Variants in CLRN2 observed in about 807,000 individuals in gnomAD.
The protein encoded by CLRN2 is clarin 2.
A neutral mutation model predicts 20.1 loss-of-function variants in CLRN2; 17 were observed. That is an observed-to-expected ratio of 0.85 (90% CI 0.58 to 1.27). The LOEUF is 1.27. CLRN2 is among the 50% of genes most tolerant of loss of function. The probability of loss-of-function intolerance (pLI) is 0.00; values close to 1 mark genes in which losing one functional copy is unlikely to be tolerated. For missense variants in CLRN2, 288 were observed against 299.5 expected (o/e 0.96, Z 0.28); for synonymous variants, 140 against 126.9 (o/e 1.10, Z -0.70).
rs371123075 is a variant in CLRN2 at position 17,526,916 on chromosome 4, T to G, written c.533T>G (p.Phe178Cys). 6.2e-7 allele frequency: 1 copy of G among 1,613,986 alleles called. No individual in the cohort carries two copies. The highest frequency in any genetic ancestry group is 8.5e-7 in the Non-Finnish European group (1 of 1,179,888). The change falls in exon 3 of 3, where the codon TTT becomes TGT. Residue 178 changes from phenylalanine to cysteine, a missense_variant. Transcript: ENST00000511148. ...IANFQEKLFQFVVVEEQYEES... is the reference protein window; with the variant it reads ...IANFQEKLFQCVVVEEQYEES... ...AACTTTCAGGAGAAGCTCTTCCAGT[T>G]TGTGGTGGTGGAAGAACAGTATGAA...
intron 1 of CLRN2, among the ~76,000 whole-genome samples, chr4:17,518,147 G>A (rs1421564167): frequency 6.6e-6 from 1 of 151,898 alleles, no homozygotes; most frequent in Non-Finnish European, 1.5e-5. Flanking sequence ...GGGATGGGGA[G>A]GTTTATTGGG....
At chr4:17,519,309 A>G (rs556060674) in intron 1 of CLRN2, among the ~76,000 whole-genome samples, 1 of 152,352 alleles carries the variant, frequency 6.6e-6, no homozygotes, top group Admixed American at 6.5e-5. Flanking sequence ...GTAGGAAACA[A>G]CTATATCTAT....
At chr4:17,522,724 C>G in intron 1 of CLRN2, 140 bp from the exon 2 acceptor site, 1 of 784,298 alleles carries the variant, frequency 1.3e-6, no homozygotes, top group Non-Finnish European at 2.0e-6. Flanking sequence ...CTCAGAAAGT[C>G]TCCCGCTGTT....
At chr4:17,526,773 T>TGCAAAAAGGAGCC in intron 2 of CLRN2, 44 bp from the exon 3 acceptor site, 1 of 1,607,486 alleles carries the variant, frequency 6.2e-7, no homozygotes, top group East Asian at 2.2e-5. Flanking sequence ...CTTACAGAGT[T>TGCAAAAAGGAGCC]GCAAAAAGGA....
At chr4:17,515,662 G>A in intron 1 of CLRN2, 143 bp downstream of exon 1, 1 of 863,442 alleles carries the variant, frequency 1.2e-6, no homozygotes, top group Non-Finnish European at 1.7e-6. Context: ...AAGGGTTCTG[G>A]ATCCACATCA....
At position 17,522,944 on chromosome 4, in the gene CLRN2, G is replaced by T. The variant is rs1397802806; in HGVS notation, c.334G>T (p.Ala112Ser). The T allele has an allele frequency of 6.2e-7, 1 of 1,613,870 alleles. No homozygotes were observed. Among genetic ancestry groups the T allele is most frequent in the Non-Finnish European group, 8.5e-7 (1 of 1,179,894 alleles). ...GCTCCTCTTCCTGGCCTTGGCCCTG[G>T]CTCTGGTCAGCATGGGCTTTGCCAT... The part of the protein sequence containing the change: ...LLLLFLALAL[A>S]LVSMGFAILN... The change falls in exon 2 of 3, where the codon GCT becomes TCT. Residue 112 changes from alanine to serine, a missense_variant. By Grantham distance (99) the Ala-to-Ser change is moderately conservative. Transcript: ENST00000511148.
intron 2 of CLRN2, among the ~76,000 whole-genome samples, chr4:17,524,233 TGTGC>T (rs762994214): frequency 2.2e-5 from 3 of 137,624 alleles, no homozygotes; most frequent in South Asian, 2.4e-4. Context: ...TGTGTGTGTG[TGTGC>T]GCGCGCATGT....
rs762042329 is a variant in CLRN2 at position 17,524,235 on chromosome 4, T to TGTGTGTGTGTGTGC, written c.433+1193_433+1194insTGTGTGTGTGTGCG. Among the ~76,000 whole-genome samples, 282 of 140,042 alleles carry TGTGTGTGTGTGTGC rather than the reference T, an allele frequency of 2.0e-3. 1 individual carries two copies. The highest frequency in any genetic ancestry group is 3.0e-3 in the Non-Finnish European group (195 of 63,960). The allele number at this position is 140,042 out of a possible 152,430, so 91.9% of individuals were successfully genotyped here. A position where few individuals can be genotyped will look rare whatever the true frequency, so the allele number is the denominator to read the frequency against. On this transcript the variant is annotated intron_variant, in intron 2 of 2. Coordinates refer to ENST00000511148, the MANE Select transcript of CLRN2 (RefSeq NM_001079827.2). ...GTGTGTGTGTGTGTGTGTGTGTGTG[T>TGTGTGTGTGTGTGC]GCGCGCGCATGTTGATTTGGGAGTA... is the stretch of plus-strand genomic sequence containing the variant.
At chr4:17,524,876 C>T (rs1245256925) in intron 2 of CLRN2, among the ~76,000 whole-genome samples, 1 of 152,032 alleles carries the variant, frequency 6.6e-6, no homozygotes, top group African/African-American at 2.4e-5. Flanking sequence ...CCTGGGAGGT[C>T]CAGGCTGCAG....
chr4:17,520,442 C>A (rs74363846), intron 1 of CLRN2, among the ~76,000 whole-genome samples: 3,026 of 152,198 alleles, frequency 0.02, 92 homozygotes, highest in African/African-American at 0.069. Context: ...ATTTGATCCA[C>A]GCTTTGAGCA....
At chr4:17,522,122 C>A (rs1340081364) in intron 1 of CLRN2, among the ~76,000 whole-genome samples, 1 of 152,202 alleles carries the variant, frequency 6.6e-6, no homozygotes, top group Non-Finnish European at 1.5e-5. Flanking sequence ...AAATCTACCT[C>A]ATGTCTTTGT....
At position 17,519,679 on chromosome 4, in the gene CLRN2, T is replaced by G. The variant is rs184770695; in HGVS notation, c.254-3185T>G. ...TGGATTTCAAGCTAGAAACTTAAAT[T>G]TAATTCCTAGTGGGAGACATCTAAA... On this transcript the variant is annotated intron_variant, in intron 1 of 2. Transcript: ENST00000511148. Among the ~76,000 whole-genome samples, 107 of 152,242 alleles carry G rather than the reference T, an allele frequency of 7.0e-4. No homozygotes were observed. The Middle Eastern group carries it at 0.017, about 24-fold the overall frequency.
chr4:17,518,457 G>A lies in CLRN2; in HGVS notation c.253+2938G>A, dbSNP rs142717495. 4.9e-3 allele frequency among the ~76,000 whole-genome samples: 739 copies of A among 152,282 alleles called. 4 individuals carry two copies. Among genetic ancestry groups the A allele is most frequent in the African/African-American group, 0.017 (687 of 41,562 alleles). On this transcript the variant is annotated intron_variant, in intron 1 of 2. Coordinates refer to ENST00000511148, the MANE Select transcript of CLRN2 (RefSeq NM_001079827.2). ...GGATGAACAAACCAGACAAGTACTT[G>A]CCCTAGAAAAGCTTAACATCTGGCC...
rs774961807 is a variant in CLRN2, at chr4:17,515,485, G to C, written c.219G>C (p.Gln73His). ...TCTTCCGAGGGTGTAAAGTGCGGCAGTGTGGGCTTGGGGGCCGCCAATCCC... is the reference window on the plus strand; with the variant it reads ...TCTTCCGAGGGTGTAAAGTGCGGCACTGTGGGCTTGGGGGCCGCCAATCCC... ...YGLFRGCKVR[Q>H]CGLGGRQSQF... The change falls in exon 1 of 3, where the codon CAG becomes CAC. Residue 73 changes from glutamine (Q) to histidine (H), a missense_variant. Transcript: ENST00000511148. The C allele has an allele frequency of 1.9e-6, 3 of 1,613,860 alleles. No individual in the cohort carries two copies. Among genetic ancestry groups the C allele is most frequent in the Non-Finnish European group, 2.5e-6 (3 of 1,179,888 alleles).
chr4:17,516,137 C>T (rs1256900375), intron 1 of CLRN2, among the ~76,000 whole-genome samples: 1 of 152,160 alleles, frequency 6.6e-6, no homozygotes, highest in African/African-American at 2.4e-5. Context: ...ATCAGACTAC[C>T]CTGGCTGAAA....
At chr4:17,518,124 C>A (rs1320616234) in intron 1 of CLRN2, among the ~76,000 whole-genome samples, 1 of 151,440 alleles carries the variant, frequency 6.6e-6, no homozygotes, top group African/African-American at 2.4e-5. Flanking sequence ...AGTGAAAATG[C>A]TTTGCAAACT....
At chr4:17,525,810 TA>T (rs1196001556) in intron 2 of CLRN2, among the ~76,000 whole-genome samples, 1 of 152,106 alleles carries the variant, frequency 6.6e-6, no homozygotes, top group East Asian at 1.9e-4. Context: ...AGAAAAACAC[TA>T]AAATGTTCAA....
intron 1 of CLRN2, among the ~76,000 whole-genome samples, chr4:17,517,169 G>A (rs1033902300): frequency 6.6e-6 from 1 of 152,232 alleles, no homozygotes; most frequent in Non-Finnish European, 1.5e-5. Context: ...GTCCAGCTGT[G>A]TTAACAGACT....
At chr4:17,518,929 C>T (rs1711763371) in intron 1 of CLRN2, among the ~76,000 whole-genome samples, 1 of 152,190 alleles carries the variant, frequency 6.6e-6, no homozygotes, top group African/African-American at 2.4e-5. Context: ...GCCCATTTTA[C>T]TGATGAGGAA....
Sources: gnomAD v4.1 joint callset for allele counts (sites outside exome capture counted in the v4.1 genomes callset) on GRCh38, gnomAD v4.1.1 for gene constraint, MANE v1.5 for transcripts, NCBI Gene and HGNC (gene_info 2026-07-23, HGNC 2026-07-21) for gene names.